Variants in EPB41L1 observed in about 807,000 individuals in gnomAD.
The protein encoded by EPB41L1 is erythrocyte membrane protein band 4.1 like 1.
In EPB41L1, 29 loss-of-function variants were observed where a neutral mutation model predicts 97.8. The observed-to-expected ratio is 0.30, with a 90% CI of 0.22 to 0.40. The LOEUF (loss-of-function observed/expected upper bound fraction) is 0.40, where lower values mean the gene tolerates loss of function less well. Among genes scored for constraint, EPB41L1 ranks in the 10% least tolerant of loss-of-function variants. EPB41L1 has a pLI of 1.00. For synonymous variants in EPB41L1, 383 were observed against 459.2 expected (o/e 0.83, Z 2.12); for missense variants, 812 against 1,162.3 (o/e 0.70, Z 4.38).
intron 1 of EPB41L1, among the ~76,000 whole-genome samples, chr20:36,111,601 C>T (rs2058402839): frequency 6.6e-6 from 1 of 152,072 alleles, no homozygotes; most frequent in South Asian, 2.1e-4. Context: ...GCTTGGCCAA[C>T]ATGGTAAAAC....
intron 1 of EPB41L1, among the ~76,000 whole-genome samples, chr20:36,099,061 C>T (rs926192439): frequency 3.3e-5 from 5 of 152,026 alleles, no homozygotes; most frequent in Admixed American, 6.6e-5. Flanking sequence ...CCCAGCTACT[C>T]GGGAGGCTGA....
rs748643449 is a variant in EPB41L1 at position 36,231,827 on chromosome 20, C to T, written c.*2487C>T. 1 of 152,776 alleles carries T rather than the reference C, an allele frequency of 6.5e-6. No individual in the cohort carries two copies. The highest frequency in any genetic ancestry group is 1.5e-5 in the Non-Finnish European group (1 of 68,140). The allele number at this position is 152,776 out of a possible 1,614,324, so 9.5% of individuals were successfully genotyped here. A position where few individuals can be genotyped will look rare whatever the true frequency, so the allele number is the denominator to read the frequency against. On this transcript the variant is annotated 3_prime_UTR_variant, in exon 22 of 22. Coordinates refer to ENST00000338074, the MANE Select transcript of EPB41L1 (RefSeq NM_012156.2). ...GTGGAAAAGCCACAGAACCTTCTTCCTGCCCTTCTTGAGAGTTCCCCCTCT... is the reference window on the plus strand; with the variant it reads ...GTGGAAAAGCCACAGAACCTTCTTCTTGCCCTTCTTGAGAGTTCCCCCTCT...
upstream of EPB41L1, chr20:36,152,158 G>A (rs1010566640): frequency 6.6e-6 from 1 of 152,128 alleles, no homozygotes; most frequent in African/African-American, 2.4e-5. Context: ...AAGATGCTGT[G>A]CAGATGACAC....
Position 36,207,874 on chromosome 20 carries a change from GC to G in EPB41L1, c.1669-1610del. 5 of 1,177,262 alleles carry G rather than the reference GC, an allele frequency of 4.2e-6. No individual in the cohort carries two copies. Among genetic ancestry groups the G allele is most frequent in the Non-Finnish European group, 5.4e-6 (5 of 923,952 alleles). 72.9% of individuals were successfully genotyped at this position (1,177,262 alleles called of 1,614,324 possible). Reference sequence around the variant, plus strand: ...TAGTTTTTAGAAGCATGTTTCAGTGGCCCCTCGTCATTTCTGCAATCAGAGG... The same window carrying G: ...TAGTTTTTAGAAGCATGTTTCAGTGGCCCTCGTCATTTCTGCAATCAGAGG... On this transcript the variant is annotated intron_variant, in intron 14 of 21. Transcript: ENST00000338074. This position sits in a 1 kb window ranked among gnomAD's most constrained non-coding sequence, Gnocchi z 4.9.
At chr20:36,114,468 G>A (rs2058522036) in intron 2 of EPB41L1, among the ~76,000 whole-genome samples, 1 of 152,114 alleles carries the variant, frequency 6.6e-6, no homozygotes, top group Non-Finnish European at 1.5e-5. Flanking sequence ...ATACACAAGA[G>A]TAGTTATAAT....
At chr20:36,170,577 C>T (rs1402477944) in intron 1 of EPB41L1, among the ~76,000 whole-genome samples, 1 of 152,164 alleles carries the variant, frequency 6.6e-6, no homozygotes, top group Non-Finnish European at 1.5e-5. Flanking sequence ...TGGCTCCTGC[C>T]ACGTCCTTGG....
Position 36,209,659 on chromosome 20 carries a change from T to A in EPB41L1, c.1840T>A (p.Ser614Thr). The change falls in exon 15 of 22, where the codon TCT becomes ACT. Residue 614 changes from serine (S) to threonine (T), a missense_variant. Ser to Thr is a moderately conservative substitution (Grantham distance 58, BLOSUM62 1). Coordinates refer to ENST00000338074, the MANE Select transcript of EPB41L1 (RefSeq NM_012156.2). This position sits in a 1 kb window ranked among gnomAD's most constrained non-coding sequence, Gnocchi z 4.2. Reference protein sequence around the residue: ...KCSSITVSSTSSLEAEVDFTV... With the variant: ...KCSSITVSSTTSLEAEVDFTV... ...CTCCAGCATCACGGTCAGCTCTACG[T>A]CTAGCCTGGAGGCTGAGGTGGACTT... 1 of 1,614,200 alleles carries A rather than the reference T, an allele frequency of 6.2e-7. No homozygotes were observed. The highest frequency in any genetic ancestry group is 8.5e-7 in the Non-Finnish European group (1 of 1,180,032).
chr20:36,199,876 C>T (rs1445138367), intron 14 of EPB41L1, among the ~76,000 whole-genome samples: 2 of 152,178 alleles, frequency 1.3e-5, no homozygotes, highest in Non-Finnish European at 2.9e-5. Flanking sequence ...AGGTCTAGAC[C>T]TCTGGAGTGT....
At chr20:36,187,838 G>A (rs186326287) in intron 8 of EPB41L1, 75 bp downstream of exon 8, 27 of 1,318,684 alleles carry the variant, frequency 2.0e-5, no homozygotes, top group African/African-American at 1.6e-4. Flanking sequence ...TCCCTAGGGC[G>A]TGGTGTGCCA....
intron 2 of EPB41L1, among the ~76,000 whole-genome samples, chr20:36,133,855 CAAAAAAA>C (rs57803389): frequency 4.0e-5 from 3 of 75,888 alleles, no homozygotes; most frequent in South Asian, 4.1e-4. Context: ...GAGACCCTGT[CAAAAAAA>C]AAAAAAAAAA....
At position 36,229,481 on chromosome 20, in the gene EPB41L1, A is replaced by G; in HGVS notation, c.*141A>G. ...TCACTGATGAGAGACTGGGAAGGGA[A>G]AAGCATATATATATAGATATATAGA... On this transcript the variant is annotated 3_prime_UTR_variant, in exon 22 of 22. Transcript: ENST00000338074. 1.3e-6 allele frequency: 1 copy of G among 787,692 alleles called. No homozygotes were observed. Among genetic ancestry groups the G allele is most frequent in the Admixed American group, 1.9e-5 (1 of 53,062 alleles). 48.8% of individuals were successfully genotyped at this position (787,692 alleles called of 1,614,324 possible).
intron 1 of EPB41L1, among the ~76,000 whole-genome samples, chr20:36,108,432 T>G (rs1021790492): frequency 6.6e-6 from 1 of 151,920 alleles, no homozygotes; most frequent in Admixed American, 6.6e-5. Flanking sequence ...CCCAGCACTT[T>G]GGGAGGCTGA....
At chr20:36,146,134 T>C (rs777772115) in intron 2 of EPB41L1, among the ~76,000 whole-genome samples, 1 of 152,260 alleles carries the variant, frequency 6.6e-6, no homozygotes, top group Non-Finnish European at 1.5e-5. Context: ...CCTTTAGTGC[T>C]TTCTGTTTTA....
chr20:36,219,980 G>A (rs1414927936), intron 19 of EPB41L1, 136 bp downstream of exon 19: 3 of 833,558 alleles, frequency 3.6e-6, no homozygotes, highest in African/African-American at 3.4e-5. Context: ...CTGGAATACT[G>A]TGCGCTTTGT....
In EPB41L1 at chr20:36,190,588, A is replaced by G. The variant is rs2061903801; in HGVS notation, c.1125-34A>G. The G allele has an allele frequency of 6.2e-7, 1 of 1,613,082 alleles. No individual in the cohort carries two copies. ...CCTTGGGCCTGGCAGTGCAGGTCTG[A>G]TTCCTCCTCCTCCCCTGCATCCCTC... On this transcript the variant is annotated intron_variant, in intron 10 of 21. Transcript: ENST00000338074. The surrounding 1 kb of genome is among the most constrained non-coding windows in gnomAD (Gnocchi z 5.8).
chr20:36,134,395 C>T (rs894660293), intron 2 of EPB41L1, among the ~76,000 whole-genome samples: 9 of 152,104 alleles, frequency 5.9e-5, no homozygotes, highest in African/African-American at 1.7e-4. Flanking sequence ...CCCATGTACA[C>T]GAGGGGTGGG....
At chr20:36,147,380 C>T (rs1035212822) in intron 2 of EPB41L1, among the ~76,000 whole-genome samples, 1 of 152,158 alleles carries the variant, frequency 6.6e-6, no homozygotes, top group African/African-American at 2.4e-5. Flanking sequence ...CAGACATGAA[C>T]AGAATATGTC....
intron 9 of EPB41L1, among the ~76,000 whole-genome samples, chr20:36,189,510 T>C (rs2061851434): frequency 1.3e-5 from 2 of 152,202 alleles, no homozygotes; most frequent in Admixed American, 6.5e-5. Flanking sequence ...GCCTGAGTGC[T>C]TCGCATTTGA....
At position 36,154,816 on chromosome 20, in the gene EPB41L1, C is replaced by T; in HGVS notation, c.-95C>T. 4.0e-6 allele frequency: 4 copies of T among 992,974 alleles called. No homozygotes were observed. Among genetic ancestry groups the T allele is most frequent in the Non-Finnish European group, 3.6e-6 (3 of 834,770 alleles). The allele number at this position is 992,974 out of a possible 1,614,324, so 61.5% of individuals were successfully genotyped here. A position where few individuals can be genotyped will look rare whatever the true frequency, so the allele number is the denominator to read the frequency against. Reference sequence around the variant, plus strand: ...AGCCCGCCGCGACCCCGCGCCGCCCCGCCCCGCGGCCTGCCTGCCAGAGGA... The same window carrying T: ...AGCCCGCCGCGACCCCGCGCCGCCCTGCCCCGCGGCCTGCCTGCCAGAGGA... On this transcript the variant is annotated 5_prime_UTR_variant, in exon 1 of 22. Transcript: ENST00000338074. The surrounding 1 kb of genome is among the most constrained non-coding windows in gnomAD (Gnocchi z 5.5).
Sources: allele counts gnomAD v4.1 joint callset (sites outside exome capture counted in the v4.1 genomes callset), GRCh38; gene constraint gnomAD v4.1.1; non-coding constraint Gnocchi (gnomAD v3.1); transcripts MANE v1.5; gene names NCBI Gene and HGNC (gene_info 2026-07-23, HGNC 2026-07-21).